The following TTC29 variants were observed in gnomAD, a reference collection of about 807,000 sequenced individuals.
TTC29 encodes the protein tetratricopeptide repeat protein 29.
In TTC29, 49 loss-of-function variants were observed where a neutral mutation model predicts 58.1. That is an observed-to-expected ratio of 0.84 (90% CI 0.67 to 1.07). The LOEUF (loss-of-function observed/expected upper bound fraction) is 1.07. Ranked by LOEUF, TTC29 falls within the 50% of genes least tolerant of loss-of-function variation. TTC29 has a pLI of 0.00. For synonymous variants in TTC29, 209 were observed against 196.8 expected (o/e 1.06, Z -0.52); for missense variants, 582 against 555.6 (o/e 1.05, Z -0.48).
At chr4:146,917,969 G>T (rs1734348963) in intron 4 of TTC29, among the ~76,000 whole-genome samples, 1 of 150,168 alleles carries the variant, frequency 6.7e-6, no homozygotes. Flanking sequence ...TTTCAGTTTT[G>T]ATTTAGACTC....
chr4:146,803,173 A>G (rs1750352236), intron 11 of TTC29, among the ~76,000 whole-genome samples: 1 of 152,148 alleles, frequency 6.6e-6, no homozygotes, highest in African/African-American at 2.4e-5. Flanking sequence ...ATGCCTCATC[A>G]GTACCTATTG....
At chr4:146,852,822 G>T (rs1017396272) in intron 8 of TTC29, among the ~76,000 whole-genome samples, 1 of 152,144 alleles carries the variant, frequency 6.6e-6, no homozygotes, top group Non-Finnish European at 1.5e-5. Flanking sequence ...TGATCATAGG[G>T]ACTTTGGACA....
At chr4:146,918,887 A>G (rs1324801196) in intron 4 of TTC29, among the ~76,000 whole-genome samples, 1 of 151,094 alleles carries the variant, frequency 6.6e-6, no homozygotes, top group Non-Finnish European at 1.5e-5. Flanking sequence ...AACCTCAAAC[A>G]TACACATTTT....
At chr4:146,917,024 T>C (rs1342342436) in intron 4 of TTC29, among the ~76,000 whole-genome samples, 1 of 151,198 alleles carries the variant, frequency 6.6e-6, no homozygotes, top group African/African-American at 2.4e-5. Context: ...ATAAAATATA[T>C]ATATAAAGCA....
At chr4:146,834,546 G>A (rs1728380298) in intron 8 of TTC29, among the ~76,000 whole-genome samples, 1 of 150,518 alleles carries the variant, frequency 6.6e-6, no homozygotes, top group Non-Finnish European at 1.5e-5. Flanking sequence ...TCTTTCAATG[G>A]CCCGAAGGAG....
chr4:146,717,265 A>G (rs1278122581), intron 11 of TTC29, among the ~76,000 whole-genome samples: 2 of 152,122 alleles, frequency 1.3e-5, no homozygotes, highest in East Asian at 3.9e-4. Flanking sequence ...CAGCACTTGT[A>G]TGGTTATTAT....
At chr4:146,865,205 T>C (rs890019795) in intron 8 of TTC29, among the ~76,000 whole-genome samples, 1 of 152,216 alleles carries the variant, frequency 6.6e-6, no homozygotes, top group Middle Eastern at 3.2e-3. Flanking sequence ...CCTACACCAC[T>C]AGGAATAGGA....
Position 146,922,030 on chromosome 4 carries a change from AG to A in TTC29, c.177-12782del, listed in dbSNP as rs368636897. On this transcript the variant is annotated intron_variant, in intron 4 of 12. Transcript: ENST00000325106. Reference sequence around the variant, plus strand: ...TCCCCTACAAAAAAAAAAAAAAAAAAGAAAGAAAGAAAACACCAAAAACTAC... The same window carrying A: ...TCCCCTACAAAAAAAAAAAAAAAAAAAAAGAAAGAAAACACCAAAAACTAC... Among the ~76,000 whole-genome samples the A allele has an allele frequency of 2.0e-3, 268 of 132,090 alleles. 2 individuals carry two copies. Among genetic ancestry groups the A allele is most frequent in the African/African-American group, 6.8e-3 (244 of 35,992 alleles). 86.7% of individuals were successfully genotyped at this position (132,090 alleles called of 152,430 possible). A position where few individuals can be genotyped will look rare whatever the true frequency, so the allele number is the denominator to read the frequency against.
chr4:146,838,599 T>TACC (rs1422464794), intron 8 of TTC29, among the ~76,000 whole-genome samples: 1 of 152,052 alleles, frequency 6.6e-6, no homozygotes. Context: ...TGCTTAGGAC[T>TACC]ACCAGTTAGG....
intron 11 of TTC29, among the ~76,000 whole-genome samples, chr4:146,771,157 G>T (rs1043254108): frequency 6.6e-6 from 1 of 152,052 alleles, no homozygotes; most frequent in Non-Finnish European, 1.5e-5. Context: ...ATGCCCAGAA[G>T]CAGAGAGCTA....
intron 5 of TTC29, among the ~76,000 whole-genome samples, chr4:146,906,534 A>C (rs1325093050): frequency 6.6e-6 from 1 of 152,206 alleles, no homozygotes; most frequent in Non-Finnish European, 1.5e-5. Context: ...GCTTACATAC[A>C]CATTTTAAGA....
intron 8 of TTC29, among the ~76,000 whole-genome samples, chr4:146,859,102 T>C (rs1324965721): frequency 6.6e-6 from 1 of 152,154 alleles, no homozygotes. Context: ...GTCATCTACA[T>C]GCAGCCAGGA....
intron 6 of TTC29, among the ~76,000 whole-genome samples, chr4:146,892,123 C>T (rs59441082): frequency 0.04 from 6,159 of 152,116 alleles, 440 homozygotes; most frequent in African/African-American, 0.14. Flanking sequence ...GGGCAGACTT[C>T]CCCCTTGCTG....
chr4:146,716,536 G>A (rs1742940425), intron 11 of TTC29, among the ~76,000 whole-genome samples: 1 of 152,060 alleles, frequency 6.6e-6, no homozygotes, highest in Non-Finnish European at 1.5e-5. Flanking sequence ...AATCTATGCT[G>A]TAAACACATC....
chr4:146,778,397 G>GA (rs1054172313), intron 11 of TTC29, among the ~76,000 whole-genome samples: 4 of 150,800 alleles, frequency 2.7e-5, no homozygotes, highest in African/African-American at 7.3e-5. Context: ...TGCTTTTTTT[G>GA]AAAAAAAATT....
At chr4:146,854,959 T>C (rs1729744614) in intron 8 of TTC29, among the ~76,000 whole-genome samples, 2 of 152,168 alleles carry the variant, frequency 1.3e-5, no homozygotes, top group Admixed American at 6.5e-5. Flanking sequence ...TTATCTTCTT[T>C]CTCTTTTTCT....
chr4:146,810,691 A>G (rs1750965234), intron 10 of TTC29, among the ~76,000 whole-genome samples: 1 of 150,546 alleles, frequency 6.6e-6, no homozygotes, highest in Non-Finnish European at 1.5e-5. Flanking sequence ...CCCAGGTTCA[A>G]GCGATTCTCC....
At chr4:146,833,440 G>A (rs1728298718) in intron 9 of TTC29, among the ~76,000 whole-genome samples, 1 of 152,206 alleles carries the variant, frequency 6.6e-6, no homozygotes, top group Non-Finnish European at 1.5e-5. Context: ...TTTCCTCAAA[G>A]AAGAGATCTG....
intron 11 of TTC29, among the ~76,000 whole-genome samples, chr4:146,756,030 T>A (rs1246812996): frequency 6.6e-6 from 1 of 152,158 alleles, no homozygotes; most frequent in African/African-American, 2.4e-5. Context: ...ATCCCAGCAA[T>A]TCGGGAGGCC....
Sources: allele counts gnomAD v4.1 joint callset (sites outside exome capture counted in the v4.1 genomes callset), GRCh38; gene constraint gnomAD v4.1.1; transcripts MANE v1.5; gene names NCBI Gene and HGNC (gene_info 2026-07-23, HGNC 2026-07-21).